Variants in CACNB4 observed in about 807,000 individuals in gnomAD.
The protein encoded by CACNB4 is voltage-dependent L-type calcium channel subunit beta-4.
CACNB4 carries 32 observed loss-of-function variants against 71.2 expected under a neutral mutation model. The observed-to-expected ratio is 0.45, with a 90% CI of 0.34 to 0.60. The LOEUF is 0.60. Among genes scored for constraint, CACNB4 ranks in the 20% least tolerant of loss-of-function variants. The probability of loss-of-function intolerance (pLI) is 0.01; values close to 1 mark genes in which losing one functional copy is unlikely to be tolerated. For synonymous variants in CACNB4, 231 were observed against 236.9 expected, an observed-to-expected ratio of 0.97 and a Z score of 0.23; for missense variants, 464 against 647.9, an observed-to-expected ratio of 0.72 and a Z score of 3.08.
chr2:151,987,071 T>C (rs1579077655), intron 2 of CACNB4, among the ~76,000 whole-genome samples: 6 of 152,108 alleles, frequency 3.9e-5, no homozygotes, highest in Non-Finnish European at 1.5e-5. Context: ...ACAAATCCAT[T>C]AGTGGGAAAT....
chr2:152,062,442 C>T (rs981857691), intron 2 of CACNB4, among the ~76,000 whole-genome samples: 26 of 152,160 alleles, frequency 1.7e-4, no homozygotes, highest in African/African-American at 5.8e-4. Flanking sequence ...GTGTCAGTTG[C>T]ATAAGGATAG....
At chr2:151,874,611 C>G (rs115300832) in intron 5 of CACNB4, among the ~76,000 whole-genome samples, 4,163 of 152,174 alleles carry the variant, frequency 0.027, 98 homozygotes, top group Non-Finnish European at 0.035. Context: ...TCTCCTATTA[C>G]AGTTGGTGCG....
chr2:152,020,409 G>A (rs1027131980), intron 2 of CACNB4, among the ~76,000 whole-genome samples: 3 of 152,210 alleles, frequency 2.0e-5, no homozygotes, highest in Non-Finnish European at 2.9e-5. Context: ...GCTTCAGAGA[G>A]CATTTCAGTA....
At chr2:151,861,130 T>C (rs112924138) in intron 9 of CACNB4, 126 of 280,764 alleles carry the variant, frequency 4.5e-4, no homozygotes, top group African/African-American at 2.5e-3. Flanking sequence ...AATCAAGACA[T>C]ATAAATAAAC....
intron 2 of CACNB4, among the ~76,000 whole-genome samples, chr2:152,038,124 G>A (rs1002739089): frequency 7.9e-5 from 12 of 152,368 alleles, no homozygotes; most frequent in Admixed American, 7.2e-4. Context: ...GGCAGGAGGT[G>A]GGGGTAGCTT....
intron 2 of CACNB4, among the ~76,000 whole-genome samples, chr2:151,927,323 T>C (rs2099860501): frequency 6.6e-6 from 1 of 152,092 alleles, no homozygotes; most frequent in Non-Finnish European, 1.5e-5. Flanking sequence ...AGGAGATGAA[T>C]CTAACACACA....
rs1449374449 is a variant in CACNB4 at position 152,085,829 on chromosome 2, C to A, written c.147+12501G>T. The stretch of plus-strand genomic sequence containing the variant: ...TGCAGCCATTAAAAAAAAAAAAAAA[C>A]AAACAAACAAAAAGCAGTGAATGTA... On this transcript the variant is annotated intron_variant, in intron 2 of 13. Coordinates refer to ENST00000539935, the MANE Select transcript of CACNB4 (RefSeq NM_000726.5). Among the ~76,000 whole-genome samples, 147 of 135,858 alleles carry A rather than the reference C, an allele frequency of 1.1e-3. 2 individuals carry two copies. Among genetic ancestry groups the A allele is most frequent in the African/African-American group, 1.4e-3 (52 of 37,062 alleles). The allele number at this position is 135,858 out of a possible 152,430, so 89.1% of individuals were successfully genotyped here.
chr2:151,996,862 C>T (rs1009189117), intron 2 of CACNB4, among the ~76,000 whole-genome samples: 1 of 152,108 alleles, frequency 6.6e-6, no homozygotes, highest in Non-Finnish European at 1.5e-5. Context: ...TCATCACAGA[C>T]AGACACAGGA....
chr2:151,913,800 G>A (rs1275141339), intron 2 of CACNB4, among the ~76,000 whole-genome samples: 1 of 149,916 alleles, frequency 6.7e-6, no homozygotes, highest in Non-Finnish European at 1.5e-5. Context: ...TTGAATATTG[G>A]CCTCCAGTCT....
Position 151,883,258 on chromosome 2 carries a change from C to A in CACNB4, c.260G>T (p.Arg87Ile). The change falls in exon 3 of 14, where the codon AGA becomes ATA. Residue 87 changes from arginine (R) to isoleucine (I), a missense_variant. Arg to Ile is a moderately conservative substitution (Grantham distance 97). Transcript: ENST00000539935. ...REQQAAIQLE[R>I]AKSKPVAFAV... ...AGAAGGAAAGAGACTCACCTTTGCTCTCTCAAGCTGGATAGCTGCTTGCTG... is the reference window on the plus strand; with the variant it reads ...AGAAGGAAAGAGACTCACCTTTGCTATCTCAAGCTGGATAGCTGCTTGCTG... 6.2e-7 allele frequency: 1 copy of A among 1,613,976 alleles called. No individual in the cohort carries two copies. Among genetic ancestry groups the A allele is most frequent in the Non-Finnish European group, 8.5e-7 (1 of 1,179,850 alleles).
At chr2:152,044,366 G>A (rs1222999766) in intron 2 of CACNB4, among the ~76,000 whole-genome samples, 2 of 152,080 alleles carry the variant, frequency 1.3e-5, no homozygotes, top group Non-Finnish European at 2.9e-5. Flanking sequence ...GATTACAGGT[G>A]CGCATCACCA....
At chr2:151,940,413 A>T (rs1423900484) in intron 2 of CACNB4, among the ~76,000 whole-genome samples, 1 of 152,226 alleles carries the variant, frequency 6.6e-6, no homozygotes, top group Non-Finnish European at 1.5e-5. Context: ...GGAAAGGGTT[A>T]AGTGTTGAGG....
chr2:151,859,286 G>C (rs1477662142), intron 10 of CACNB4: 1 of 152,186 alleles, frequency 6.6e-6, no homozygotes, highest in Non-Finnish European at 1.5e-5. Context: ...GGATTGTAAG[G>C]AATGACTTCA....
At chr2:151,883,815 A>G (rs1261542410) in intron 2 of CACNB4, 2 of 237,538 alleles carry the variant, frequency 8.4e-6, no homozygotes, top group Middle Eastern at 1.7e-3. Flanking sequence ...AATATAGTAA[A>G]GCATCATCTT....
chr2:151,918,123 G>T (rs1008620054), intron 2 of CACNB4, among the ~76,000 whole-genome samples: 2 of 152,160 alleles, frequency 1.3e-5, no homozygotes, highest in Non-Finnish European at 2.9e-5. Flanking sequence ...GTACTGGTTT[G>T]TTATCTGCCA....
At chr2:152,029,537 G>GA (rs1318545074) in intron 2 of CACNB4, among the ~76,000 whole-genome samples, 3 of 146,532 alleles carry the variant, frequency 2.0e-5, no homozygotes, top group African/African-American at 2.5e-5. Context: ...GAAAAGAAAA[G>GA]AAAGAGCCCA....
At chr2:152,043,400 G>A (rs1361658490) in intron 2 of CACNB4, among the ~76,000 whole-genome samples, 2 of 152,228 alleles carry the variant, frequency 1.3e-5, no homozygotes, top group Non-Finnish European at 2.9e-5. Context: ...ATAGCTCACT[G>A]CCACCTCAAA....
chr2:151,850,141 CTT>C lies in CACNB4; in HGVS notation c.1116+3305_1116+3306del, dbSNP rs750436136. ...TTTTCTTTTCTTTCTTTCTTTCTTT[CTT>C]TTTTTTTTTTTTTTTTTTTGAGACA... On this transcript the variant is annotated intron_variant, in intron 12 of 13. Coordinates refer to ENST00000539935, the MANE Select transcript of CACNB4 (RefSeq NM_000726.5). 8.2e-4 allele frequency: 80 copies of C among 98,148 alleles called. No homozygotes were observed. The South Asian group carries it at 9.6e-3, about 12-fold the overall frequency. The allele number at this position is 98,148 out of a possible 1,614,324, so 6.1% of individuals were successfully genotyped here.
chr2:151,999,853 G>GGGGA (rs1456634992), intron 2 of CACNB4, among the ~76,000 whole-genome samples: 1 of 152,126 alleles, frequency 6.6e-6, no homozygotes, highest in African/African-American at 2.4e-5. Context: ...AGTCTGGCTA[G>GGGGA]GATTCTATTC....
Sources: allele counts gnomAD v4.1 joint callset (sites outside exome capture counted in the v4.1 genomes callset), GRCh38; gene constraint gnomAD v4.1.1; transcripts MANE v1.5; gene names NCBI Gene and HGNC (gene_info 2026-07-23, HGNC 2026-07-21).